The following MECOM variants were observed in gnomAD, a reference collection of about 807,000 sequenced individuals.
MECOM encodes histone-lysine N-methyltransferase MECOM.
MECOM carries 13 observed loss-of-function variants against 116.3 expected under a neutral mutation model. That is an observed-to-expected ratio of 0.11 (90% CI 0.07 to 0.18). The LOEUF (loss-of-function observed/expected upper bound fraction) is 0.18, where lower values mean the gene tolerates loss of function less well. Among genes scored for constraint, MECOM ranks in the 10% least tolerant of loss-of-function variants. MECOM has a pLI of 1.00. For synonymous variants in MECOM, 528 were observed against 535.2 expected, an observed-to-expected ratio of 0.99 and a Z score of 0.19; for missense variants, 1,299 against 1,509.0, an observed-to-expected ratio of 0.86 and a Z score of 2.31.
chr3:169,582,125 G>A (rs968495481), intron 1 of MECOM, among the ~76,000 whole-genome samples: 2 of 152,148 alleles, frequency 1.3e-5, no homozygotes, highest in South Asian at 2.1e-4. Context: ...TTGCTAGGGC[G>A]ATTGCAGAAT....
chr3:169,217,693 A>G (rs1751584338), intron 2 of MECOM, among the ~76,000 whole-genome samples: 1 of 152,102 alleles, frequency 6.6e-6, no homozygotes, highest in African/African-American at 2.4e-5. Flanking sequence ...CTGAGGCAGC[A>G]GAATCACTTG....
intron 2 of MECOM, among the ~76,000 whole-genome samples, chr3:169,351,734 G>C (rs1019566875): frequency 6.6e-6 from 1 of 151,720 alleles, no homozygotes; most frequent in African/African-American, 2.4e-5. Flanking sequence ...GCCTATTGCA[G>C]GTAAAAGCTT....
At chr3:169,144,855 T>C (rs1326001166) in intron 2 of MECOM, 6 of 664,410 alleles carry the variant, frequency 9.0e-6, no homozygotes, top group Non-Finnish European at 1.6e-5. Flanking sequence ...CAAAAATTAT[T>C]GAATTAAATA....
chr3:169,662,400 G>T (rs1395527083), intron 1 of MECOM, among the ~76,000 whole-genome samples: 3 of 152,156 alleles, frequency 2.0e-5, no homozygotes, highest in South Asian at 2.1e-4. Flanking sequence ...GTCGCAGCGC[G>T]CCCTCTCTGC....
intron 10 of MECOM, among the ~76,000 whole-genome samples, chr3:169,104,231 G>C (rs565103608): frequency 6.6e-6 from 1 of 152,270 alleles, no homozygotes; most frequent in African/African-American, 2.4e-5. Flanking sequence ...CACAGAGGTT[G>C]GAGGAAATTC....
intron 2 of MECOM, among the ~76,000 whole-genome samples, chr3:169,364,202 T>A (rs148888215): frequency 6.6e-6 from 1 of 152,018 alleles, no homozygotes; most frequent in Non-Finnish European, 1.5e-5. Context: ...TTCCAATGAT[T>A]GAAAAGTACA....
At chr3:169,362,884 G>A (rs1168350595) in intron 2 of MECOM, among the ~76,000 whole-genome samples, 1 of 151,926 alleles carries the variant, frequency 6.6e-6, no homozygotes, top group East Asian at 1.9e-4. Flanking sequence ...TTCCATTTCT[G>A]TGGGATCCTT....
chr3:169,234,202 G>A lies in MECOM; in HGVS notation c.376-90370C>T, dbSNP rs567477845. On this transcript the variant is annotated intron_variant, in intron 2 of 16. Transcript: ENST00000651503. ...AAACAGACCTGAAAAGGCTGAAAAG[G>A]TGAGTTTCTGCCCACCCCCACAGAG... Among the ~76,000 whole-genome samples the A allele has an allele frequency of 5.3e-4, 80 of 151,922 alleles. 1 individual carries two copies. The South Asian group carries it at 0.016, about 30-fold the overall frequency.
rs558415037 is a variant in MECOM, at chr3:169,447,441, C to G, written c.38-65917G>C. 5.3e-5 allele frequency among the ~76,000 whole-genome samples: 8 copies of G among 152,244 alleles called. No individual in the cohort carries two copies. In the East Asian group the frequency reaches 5.8e-4, roughly 11 times the overall value. On this transcript the variant is annotated intron_variant, in intron 1 of 16. Coordinates refer to ENST00000651503, the MANE Select transcript of MECOM (RefSeq NM_004991.4). Reference sequence around the variant, plus strand: ...TGGATGGTTATCTACTATCTCCCCCCACCAAGAACTTTTCTGACTCTGAGT... The same window carrying G: ...TGGATGGTTATCTACTATCTCCCCCGACCAAGAACTTTTCTGACTCTGAGT...
intron 1 of MECOM, among the ~76,000 whole-genome samples, chr3:169,388,582 G>A (rs9816520): frequency 0.018 from 2,741 of 152,310 alleles, 94 homozygotes; most frequent in African/African-American, 0.063. Context: ...AAGGACTGTA[G>A]CAAGGGTGCA....
chr3:169,567,899 T>G (rs1763421677), intron 1 of MECOM, among the ~76,000 whole-genome samples: 1 of 152,022 alleles, frequency 6.6e-6, no homozygotes, highest in African/African-American at 2.4e-5. Context: ...GAACCTGAGT[T>G]AAATTCAAAA....
intron 2 of MECOM, among the ~76,000 whole-genome samples, chr3:169,315,215 A>G (rs961789027): frequency 2.6e-5 from 4 of 152,200 alleles, no homozygotes; most frequent in Admixed American, 6.5e-5. Flanking sequence ...GGCCAAGTCC[A>G]GAGGGCAACT....
intron 1 of MECOM, among the ~76,000 whole-genome samples, chr3:169,564,237 T>C (rs896202027): frequency 6.6e-6 from 1 of 152,174 alleles, no homozygotes; most frequent in Non-Finnish European, 1.5e-5. Flanking sequence ...CTACTTGTAT[T>C]CAAAAGACTA....
chr3:169,565,707 T>C (rs3863105), intron 1 of MECOM, among the ~76,000 whole-genome samples: 115,893 of 152,166 alleles, frequency 0.76, 45,065 homozygotes, highest in African/African-American at 0.92. Flanking sequence ...AAAATCTGGG[T>C]GGTCAGGCTT....
chr3:169,585,871 T>C (rs933449896), intron 1 of MECOM, among the ~76,000 whole-genome samples: 1 of 152,202 alleles, frequency 6.6e-6, no homozygotes, highest in African/African-American at 2.4e-5. Context: ...AACAAGTTTT[T>C]TAAATCTCCC....
chr3:169,389,089 T>C (rs1406884635), intron 1 of MECOM, among the ~76,000 whole-genome samples: 2 of 152,210 alleles, frequency 1.3e-5, no homozygotes. Flanking sequence ...TTAAATCTGG[T>C]TAAGAGATTT....
intron 8 of MECOM, 39 bp from the exon 9 acceptor site, chr3:169,112,913 TCA>T: frequency 7.1e-7 from 1 of 1,405,428 alleles, no homozygotes; most frequent in Non-Finnish European, 1.0e-6. Context: ...TGAAGCAGTC[TCA>T]CATATCAATC....
chr3:169,179,704 T>C (rs1206498338), intron 2 of MECOM, among the ~76,000 whole-genome samples: 1 of 152,214 alleles, frequency 6.6e-6, no homozygotes, highest in Non-Finnish European at 1.5e-5. Context: ...CTAATAAAGA[T>C]GTAGACTGGC....
intron 16 of MECOM, among the ~76,000 whole-genome samples, chr3:169,087,158 G>A (rs1425068882): frequency 1.3e-5 from 2 of 152,142 alleles, no homozygotes; most frequent in Non-Finnish European, 2.9e-5. Flanking sequence ...GTACTAAAAT[G>A]TATTATAATT....
Sources: gnomAD v4.1 joint callset for allele counts (sites outside exome capture counted in the v4.1 genomes callset) on GRCh38, gnomAD v4.1.1 for gene constraint, MANE v1.5 for transcripts, NCBI Gene and HGNC (gene_info 2026-07-23, HGNC 2026-07-21) for gene names.